SH3BGR: variants seen among roughly 807,000 people sequenced by gnomAD.
SH3BGR encodes the protein SH3 domain-binding glutamic acid-rich protein.
Under a neutral mutation model 24.5 loss-of-function variants are expected in SH3BGR, and 29 were observed. The observed-to-expected ratio is 1.18, with a 90% CI of 0.88 to 1.61. SH3BGR has a LOEUF of 1.61. Ranked by LOEUF, SH3BGR falls within the 40% of genes most tolerant of loss-of-function variation. The pLI is 0.00. For missense variants in SH3BGR, 162 were observed against 205.8 expected (o/e 0.79, Z 1.30); for synonymous variants, 55 against 65.7 (o/e 0.84, Z 0.79).
At chr21:39,460,275 C>T (rs936182256) in intron 1 of SH3BGR, among the ~76,000 whole-genome samples, 1 of 152,050 alleles carries the variant, frequency 6.6e-6, no homozygotes, top group Non-Finnish European at 1.5e-5. Context: ...TTTCTAGCCT[C>T]TGCTTGTGCC....
intron 4 of SH3BGR, among the ~76,000 whole-genome samples, chr21:39,502,290 T>C (rs1033029546): frequency 2.6e-5 from 4 of 152,214 alleles, no homozygotes; most frequent in Non-Finnish European, 1.5e-5. Context: ...GAGAGCTCTG[T>C]GTGTTTTGAA....
At chr21:39,471,408 C>G (rs190731595) in intron 2 of SH3BGR, among the ~76,000 whole-genome samples, 1 of 152,038 alleles carries the variant, frequency 6.6e-6, no homozygotes, top group East Asian at 1.9e-4. Context: ...ATAGTGAGAC[C>G]TTGTCTCAAA....
chr21:39,466,557 G>T (rs999782960), intron 2 of SH3BGR, among the ~76,000 whole-genome samples: 2 of 152,218 alleles, frequency 1.3e-5, no homozygotes, highest in African/African-American at 2.4e-5. Context: ...TCACAGTTCA[G>T]CATGGCTGGA....
chr21:39,476,155 A>C (rs1439654163), intron 3 of SH3BGR, among the ~76,000 whole-genome samples: 1 of 152,212 alleles, frequency 6.6e-6, no homozygotes, highest in Non-Finnish European at 1.5e-5. Context: ...GTTGCCTGGA[A>C]GATGAGAAAC....
rs578024895 is a variant in SH3BGR, at chr21:39,511,983, C to T, written c.*34+174C>T. 1.5e-4 allele frequency among the ~76,000 whole-genome samples: 23 copies of T among 152,280 alleles called. No homozygotes were observed. Among genetic ancestry groups the T allele is most frequent in the African/African-American group, 4.8e-4 (20 of 41,560 alleles). ...GGGGTCCAGCTCCTTTCTAGAGCTGCGGGGCTGCTGACCTTTCGTGGGTCT... is the reference window on the plus strand; with the variant it reads ...GGGGTCCAGCTCCTTTCTAGAGCTGTGGGGCTGCTGACCTTTCGTGGGTCT... On this transcript the variant is annotated intron_variant, in intron 6 of 6. Transcript: ENST00000333634. The surrounding 1 kb of genome is among the most constrained non-coding windows in gnomAD (Gnocchi z 4.2).
At chr21:39,451,797 G>T (rs1256104814), upstream of SH3BGR, 7 of 1,191,956 alleles carry the variant, frequency 5.9e-6, no homozygotes, top group African/African-American at 4.6e-5. Flanking sequence ...GACTGTTGTC[G>T]CGCGTTTAAA....
At chr21:39,454,557 C>T (rs769711860) in intron 1 of SH3BGR, among the ~76,000 whole-genome samples, 1 of 152,164 alleles carries the variant, frequency 6.6e-6, no homozygotes, top group Non-Finnish European at 1.5e-5. Flanking sequence ...CAGAAGGCCA[C>T]AGTGGGGCAG....
chr21:39,511,890 G>T lies in SH3BGR; in HGVS notation c.*34+81G>T. ...TGCGGCACATTTTGCTTAGTAACAG[G>T]AGAAAGGGAATTCCAATTCAGGGCT... On this transcript the variant is annotated intron_variant, in intron 6 of 6. Transcript: ENST00000333634. The surrounding 1 kb of genome is among the most constrained non-coding windows in gnomAD (Gnocchi z 4.2). The T allele has an allele frequency of 7.6e-7, 1 of 1,318,358 alleles. No individual in the cohort carries two copies. The highest frequency in any genetic ancestry group is 1.0e-6 in the Non-Finnish European group (1 of 982,850). The allele number at this position is 1,318,358 out of a possible 1,614,324, so 81.7% of individuals were successfully genotyped here. A position where few individuals can be genotyped will look rare whatever the true frequency, so the allele number is the denominator to read the frequency against.
chr21:39,451,681 T>G (rs2077576162), upstream of SH3BGR: 3 of 563,598 alleles, frequency 5.3e-6, no homozygotes, highest in Non-Finnish European at 9.3e-6. Context: ...CCTCCCTCAC[T>G]TCTTTCGCCT....
chr21:39,495,785 A>T (rs1386596997), intron 3 of SH3BGR, among the ~76,000 whole-genome samples: 2 of 152,198 alleles, frequency 1.3e-5, no homozygotes, highest in Middle Eastern at 3.2e-3. Context: ...CTCCTTCTGA[A>T]AAGTCTAAAT....
intron 3 of SH3BGR, 27 bp from the exon 4 acceptor site, chr21:39,499,796 C>T: frequency 6.5e-7 from 1 of 1,537,790 alleles, no homozygotes; most frequent in Non-Finnish European, 8.9e-7. Context: ...TTTTTGAGCT[C>T]ATATCCTGGG....
At chr21:39,479,250 G>GTGGTGGTGATGGTAGTGC (rs1390751378) in intron 3 of SH3BGR, among the ~76,000 whole-genome samples, 4 of 150,594 alleles carry the variant, frequency 2.7e-5, no homozygotes, top group African/African-American at 4.9e-5. Flanking sequence ...GGTGGTGGTG[G>GTGGTGGTGATGGTAGTGC]TGGTGGTGAT....
At chr21:39,451,506 A>T (rs1848459577), upstream of SH3BGR, among the ~76,000 whole-genome samples, 4 of 152,186 alleles carry the variant, frequency 2.6e-5, no homozygotes, top group Non-Finnish European at 4.4e-5. Flanking sequence ...TTACTTAAAA[A>T]ATTTTTTTTA....
chr21:39,511,483 T>C lies in SH3BGR; in HGVS notation c.436-197T>C, dbSNP rs1006964431. Reference sequence around the variant, plus strand: ...GGTGTGTGTGTGTTTGGGCGGTATGTGTGTGGGGTGTGTGTGTGGCATGTG... The same window carrying C: ...GGTGTGTGTGTGTTTGGGCGGTATGCGTGTGGGGTGTGTGTGTGGCATGTG... On this transcript the variant is annotated intron_variant, in intron 5 of 6. Transcript: ENST00000333634. The surrounding 1 kb of genome is among the most constrained non-coding windows in gnomAD (Gnocchi z 4.2). 6.7e-6 allele frequency among the ~76,000 whole-genome samples: 1 copy of C among 150,098 alleles called. No individual in the cohort carries two copies. The highest frequency in any genetic ancestry group is 1.5e-5 in the Non-Finnish European group (1 of 67,392).
chr21:39,471,136 C>T (rs1448665698), intron 2 of SH3BGR, among the ~76,000 whole-genome samples: 1 of 151,394 alleles, frequency 6.6e-6, no homozygotes, highest in Non-Finnish European at 1.5e-5. Context: ...TCCTCTTTCT[C>T]TTCGTCTTCT....
chr21:39,488,639 A>C (rs537248526), intron 3 of SH3BGR: 23 of 341,026 alleles, frequency 6.7e-5, no homozygotes, highest in African/African-American at 4.7e-4. Context: ...GTGTTTGACA[A>C]GGAAGAGAAG....
At chr21:39,465,258 C>T (rs911090636) in intron 2 of SH3BGR, among the ~76,000 whole-genome samples, 1 of 152,154 alleles carries the variant, frequency 6.6e-6, no homozygotes, top group Admixed American at 6.5e-5. Context: ...CAGGCTGGCT[C>T]TGTGGGCCTG....
chr21:39,478,684 C>T (rs2078067531), intron 3 of SH3BGR, among the ~76,000 whole-genome samples: 1 of 152,028 alleles, frequency 6.6e-6, no homozygotes, highest in African/African-American at 2.4e-5. Flanking sequence ...GATGAATTCT[C>T]TAATTTTCTT....
At chr21:39,485,810 C>T in intron 3 of SH3BGR, among the ~76,000 whole-genome samples, 1 of 152,028 alleles carries the variant, frequency 6.6e-6, no homozygotes, top group Non-Finnish European at 1.5e-5. Flanking sequence ...GCCTCAGCCT[C>T]CTGCGTAGCT....
Sources: gnomAD v4.1 joint callset for allele counts (sites outside exome capture counted in the v4.1 genomes callset) on GRCh38, gnomAD v4.1.1 for gene constraint, Gnocchi (gnomAD v3.1) non-coding constraint, MANE v1.5 for transcripts, NCBI Gene and HGNC (gene_info 2026-07-23, HGNC 2026-07-21) for gene names.